SDCCAG8: variants seen among roughly 807,000 people sequenced by gnomAD.
SDCCAG8 encodes SHH signaling and ciliogenesis regulator SDCCAG8, also known as serologically defined colon cancer antigen 8.
Under a neutral mutation model 101.8 loss-of-function variants are expected in SDCCAG8, and 74 were observed. The ratio of observed to expected loss-of-function variants is 0.73; its 90% CI spans 0.60 to 0.88. The LOEUF is 0.88. Ranked by LOEUF, SDCCAG8 falls within the 40% of genes least tolerant of loss-of-function variation. The pLI is 0.00. For missense variants in SDCCAG8, 787 were observed against 822.6 expected (o/e 0.96, Z 0.53); for synonymous variants, 281 against 292.9 (o/e 0.96, Z 0.41).
At chr1:243,304,661 TATAAA>T (rs1285356991) in intron 6 of SDCCAG8, 47 bp from the exon 7 acceptor site, 3 of 968,686 alleles carry the variant, frequency 3.1e-6, no homozygotes, top group Non-Finnish European at 4.8e-6. Flanking sequence ...AAAGTTTACT[TATAAA>T]ATACAGGACA....
In SDCCAG8 at chr1:243,307,969, T is replaced by A. The variant is rs758563499; in HGVS notation, c.741-20T>A. 1 of 1,612,694 alleles carries A rather than the reference T, an allele frequency of 6.2e-7. No homozygotes were observed. Among genetic ancestry groups the A allele is most frequent in the South Asian group, 1.1e-5 (1 of 91,072 alleles). On this transcript the variant is annotated intron_variant, in intron 7 of 17. Coordinates refer to ENST00000366541, the MANE Select transcript of SDCCAG8 (RefSeq NM_006642.5). The stretch of plus-strand genomic sequence containing the variant: ...AATTTTACCTGGCCATTTTCTAGAA[T>A]TTTTTCACCCTCTTTTTAGGAACGA...
intron 16 of SDCCAG8, among the ~76,000 whole-genome samples, chr1:243,463,002 A>G (rs1659439272): frequency 6.6e-6 from 1 of 152,246 alleles, no homozygotes; most frequent in South Asian, 2.1e-4. Flanking sequence ...TTTAAAAGAT[A>G]AATAAATCTT....
At chr1:243,358,872 T>C (rs2076538855) in intron 12 of SDCCAG8, among the ~76,000 whole-genome samples, 1 of 152,176 alleles carries the variant, frequency 6.6e-6, no homozygotes, top group African/African-American at 2.4e-5. Context: ...AGACAACATA[T>C]TGTATGATTC....
chr1:243,433,346 C>T lies in SDCCAG8; in HGVS notation c.1985+6788C>T, dbSNP rs1326704089. On this transcript the variant is annotated intron_variant, in intron 16 of 17. Transcript: ENST00000366541. The stretch of plus-strand genomic sequence containing the variant: ...CAGCCTGGGCAACAGAGTGCAACTC[C>T]GTCTCAAAAGAAAAAAAAAAAAAAA... Among the ~76,000 whole-genome samples, 5 of 147,500 alleles carry T rather than the reference C, an allele frequency of 3.4e-5. No homozygotes were observed. The East Asian group carries it at 8.0e-4, about 24-fold the overall frequency.
intron 6 of SDCCAG8, among the ~76,000 whole-genome samples, chr1:243,296,538 T>TTTTTTTTC: frequency 8.6e-6 from 1 of 116,256 alleles, no homozygotes. Context: ...AACTGCTCTT[T>TTTTTTTTC]TTTTTTTTTT....
At chr1:243,325,755 C>CAATA (rs2074101692) in intron 9 of SDCCAG8, among the ~76,000 whole-genome samples, 1 of 152,046 alleles carries the variant, frequency 6.6e-6, no homozygotes, top group Non-Finnish European at 1.5e-5. Flanking sequence ...GTGATAAGAA[C>CAATA]CAATTAAAAT....
intron 16 of SDCCAG8, among the ~76,000 whole-genome samples, chr1:243,486,530 C>T (rs1368611578): frequency 6.6e-6 from 1 of 152,208 alleles, no homozygotes; most frequent in Non-Finnish European, 1.5e-5. Context: ...GCACTCTGGA[C>T]TAAACCTCCT....
At chr1:243,325,570 T>A (rs1362812454) in intron 9 of SDCCAG8, among the ~76,000 whole-genome samples, 1 of 152,094 alleles carries the variant, frequency 6.6e-6, no homozygotes, top group African/African-American at 2.4e-5. Flanking sequence ...TTTGTGGCAG[T>A]GAAAATGCCT....
intron 6 of SDCCAG8, among the ~76,000 whole-genome samples, chr1:243,299,072 C>G (rs2071239948): frequency 2.0e-5 from 3 of 152,178 alleles, no homozygotes; most frequent in Admixed American, 2.0e-4. Context: ...TTTGAGTCAT[C>G]TTTAATTTTT....
chr1:243,448,718 T>C (rs1266337928), intron 16 of SDCCAG8, among the ~76,000 whole-genome samples: 1 of 142,226 alleles, frequency 7.0e-6, no homozygotes. Flanking sequence ...ATTATAATTA[T>C]TCTTTGACTG....
intron 16 of SDCCAG8, among the ~76,000 whole-genome samples, chr1:243,432,739 A>G (rs547628215): frequency 6.6e-6 from 1 of 152,286 alleles, no homozygotes; most frequent in African/African-American, 2.4e-5. Context: ...TTTTTCTTTC[A>G]TAATTAATTC....
intron 1 of SDCCAG8, among the ~76,000 whole-genome samples, chr1:243,263,621 A>G (rs2067357924): frequency 6.6e-6 from 1 of 152,224 alleles, no homozygotes. Flanking sequence ...GGATTTGCCA[A>G]CACCCACATA....
chr1:243,473,924 G>C (rs1193468214), intron 16 of SDCCAG8, among the ~76,000 whole-genome samples: 2 of 104,632 alleles, frequency 1.9e-5, no homozygotes, highest in African/African-American at 7.7e-5. Flanking sequence ...GTTGCCGGCG[G>C]GGGGGGGGGG....
At chr1:243,421,509 G>A (rs1453878220) in intron 15 of SDCCAG8, among the ~76,000 whole-genome samples, 1 of 152,144 alleles carries the variant, frequency 6.6e-6, no homozygotes, top group African/African-American at 2.4e-5. Context: ...TGGCAGTGAC[G>A]ACTGCTTCTG....
At chr1:243,408,931 A>G (rs1210565469) in intron 13 of SDCCAG8, among the ~76,000 whole-genome samples, 1 of 152,194 alleles carries the variant, frequency 6.6e-6, no homozygotes, top group Non-Finnish European at 1.5e-5. Context: ...GCTTGAATGA[A>G]GAACCCCAGT....
At chr1:243,376,620 T>C (rs2077613160) in intron 12 of SDCCAG8, among the ~76,000 whole-genome samples, 1 of 152,212 alleles carries the variant, frequency 6.6e-6, no homozygotes, top group Non-Finnish European at 1.5e-5. Flanking sequence ...TTTTCTATTC[T>C]GTCATTCTTT....
chr1:243,261,057 T>A (rs1329143916), intron 1 of SDCCAG8, among the ~76,000 whole-genome samples: 1 of 152,200 alleles, frequency 6.6e-6, no homozygotes, highest in Non-Finnish European at 1.5e-5. Context: ...GATCAAAAGG[T>A]ATGATGGAGT....
chr1:243,321,826 T>G (rs1347049962), intron 9 of SDCCAG8, among the ~76,000 whole-genome samples: 2 of 152,228 alleles, frequency 1.3e-5, no homozygotes, highest in Non-Finnish European at 2.9e-5. Context: ...TTTTTGTGTT[T>G]TTAGTAAAGA....
At chr1:243,378,152 C>G (rs1461462315) in intron 12 of SDCCAG8, among the ~76,000 whole-genome samples, 1 of 151,494 alleles carries the variant, frequency 6.6e-6, no homozygotes, top group Non-Finnish European at 1.5e-5. Context: ...CTCATACACT[C>G]TCAATGCTTA....
Sources: allele counts gnomAD v4.1 joint callset (sites outside exome capture counted in the v4.1 genomes callset), GRCh38; gene constraint gnomAD v4.1.1; transcripts MANE v1.5; gene names NCBI Gene and HGNC (gene_info 2026-07-23, HGNC 2026-07-21).